Variants in FCGR1A observed in about 807,000 individuals in gnomAD.
FCGR1A encodes high affinity immunoglobulin gamma Fc receptor I.
In FCGR1A, 13 loss-of-function variants were observed where a neutral mutation model predicts 35.0. That is an observed-to-expected ratio of 0.37 (90% CI 0.24 to 0.59). FCGR1A has a LOEUF of 0.59. Among genes scored for constraint, FCGR1A ranks in the 20% least tolerant of loss-of-function variants. The pLI is 0.71. For synonymous variants in FCGR1A, 91 were observed against 164.7 expected (o/e 0.55, Z 3.43); for missense variants, 227 against 430.0 (o/e 0.53, Z 4.17).
chr1:149,788,671 CATAA>C (rs1553751249), intron 4 of FCGR1A, 54 bp downstream of exon 4: 1 of 1,577,988 alleles, frequency 6.3e-7, no homozygotes, highest in African/African-American at 1.4e-5. Context: ...GAGGGACCAT[CATAA>C]ATATTCTAAA....
At chr1:149,793,279 G>A, downstream of FCGR1A, 1 of 1,210,522 alleles carries the variant, frequency 8.3e-7, no homozygotes, top group Non-Finnish European at 1.0e-6. Context: ...AGTGGGAGAG[G>A]CCGCCCGCCT....
intron 4 of FCGR1A, among the ~76,000 whole-genome samples, chr1:149,789,443 T>C (rs1162777975): frequency 1.4e-5 from 2 of 145,128 alleles, no homozygotes; most frequent in African/African-American, 5.3e-5. Flanking sequence ...GTCACTGAAA[T>C]GGCAAGTGTG....
intron 3 of FCGR1A, among the ~76,000 whole-genome samples, chr1:149,784,702 ATAT>A (rs1553750630): frequency 2.6e-4 from 1 of 3,868 alleles, no homozygotes; most frequent in Non-Finnish European, 7.4e-4. Context: ...TATATAAACT[ATAT>A]ATATATATAT....
chr1:149,788,247 T>G, intron 3 of FCGR1A, 119 bp from the exon 4 acceptor site: 1 of 1,607,474 alleles, frequency 6.2e-7, no homozygotes, highest in South Asian at 1.1e-5. Context: ...GCCTGAGATT[T>G]GGCAGAGCTC....
At chr1:149,799,798 C>A in the FCGR1A span, among the ~76,000 whole-genome samples, 3 of 152,160 alleles carry the variant, frequency 2.0e-5, no homozygotes, top group Non-Finnish European at 4.4e-5. Flanking sequence ...TTATCTTGAT[C>A]ATCATGAGGA....
rs1235386217 is a variant in FCGR1A at position 149,788,433 on chromosome 1, T to A, written c.375T>A (p.His125Gln). The A allele has an allele frequency of 6.2e-7, 1 of 1,613,822 alleles. No individual in the cohort carries two copies. Reference protein sequence around the residue: ...TEGEPLALRCHAWKDKLVYNV... With the variant: ...TEGEPLALRCQAWKDKLVYNV... Reference sequence around the variant, plus strand: ...GAGAACCTCTGGCCTTGAGGTGTCATGCGTGGAAGGATAAGCTGGTGTACA... The same window carrying A: ...GAGAACCTCTGGCCTTGAGGTGTCAAGCGTGGAAGGATAAGCTGGTGTACA... The change falls in exon 4 of 6, where the codon CAT becomes CAA. Residue 125 changes from histidine (H) to glutamine (Q), a missense_variant. Around this residue, in one of 3 missense-constraint regions of FCGR1A, gnomAD observed 185 missense variants for 306.6 expected, o/e 0.60. Transcript: ENST00000369168.
chr1:149,798,467 T>G, the FCGR1A span, among the ~76,000 whole-genome samples: 1 of 152,118 alleles, frequency 6.6e-6, no homozygotes. Context: ...TATATTAAAC[T>G]TATCACTGTG....
downstream of FCGR1A, chr1:149,792,908 C>T (rs1320957187): frequency 2.4e-6 from 3 of 1,267,644 alleles, no homozygotes; most frequent in Non-Finnish European, 1.0e-6. Flanking sequence ...ATCCCAACGT[C>T]ATTGTTTCCT....
In FCGR1A at chr1:149,788,816, G is replaced by A. The variant is rs1291206084; in HGVS notation, c.559+199G>A. On this transcript the variant is annotated intron_variant, in intron 4 of 5. Coordinates refer to ENST00000369168, the MANE Select transcript of FCGR1A (RefSeq NM_000566.4). ...GGGTCCTAGTCCAATACTCTTTCCA[G>A]TGTACCGCAACCCCCATCAACAATC... Among the ~76,000 whole-genome samples the A allele has an allele frequency of 7.9e-5, 12 of 152,272 alleles. No individual in the cohort carries two copies. In the South Asian group the frequency reaches 1.5e-3, roughly 18 times the overall value.
At chr1:149,799,459 T>C in the FCGR1A span, among the ~76,000 whole-genome samples, 132 of 152,268 alleles carry the variant, frequency 8.7e-4, no homozygotes, top group African/African-American at 3.2e-3. Context: ...GATGTATGTA[T>C]GCATTTAGAT....
At chr1:149,788,232 T>C (rs1192546489) in intron 3 of FCGR1A, 134 bp from the exon 4 acceptor site, 278 of 1,599,226 alleles carry the variant, frequency 1.7e-4, no homozygotes, top group Non-Finnish European at 2.3e-4. Flanking sequence ...AGGAACTGGA[T>C]ATAGGCCTGA....
the FCGR1A span, among the ~76,000 whole-genome samples, chr1:149,800,399 G>C: frequency 6.7e-6 from 1 of 150,118 alleles, no homozygotes; most frequent in Non-Finnish European, 1.5e-5. Context: ...TCCCCTCCCC[G>C]GAAGTTGGAG....
the FCGR1A span, among the ~76,000 whole-genome samples, chr1:149,799,358 C>G: frequency 2.0e-5 from 3 of 152,222 alleles, no homozygotes. Flanking sequence ...TTAGAAATTT[C>G]TCTTTGTTCC....
intron 3 of FCGR1A, among the ~76,000 whole-genome samples, chr1:149,785,043 A>G (rs2091504831): frequency 6.6e-6 from 1 of 152,218 alleles, no homozygotes; most frequent in Non-Finnish European, 1.5e-5. Context: ...TAATAAATGG[A>G]AGCAGAAAAG....
intron 3 of FCGR1A, chr1:149,788,136 G>T: frequency 3.1e-6 from 2 of 638,740 alleles, no homozygotes; most frequent in East Asian, 5.8e-5. Flanking sequence ...CAACTTCTGA[G>T]ATCTGGAAAG....
At chr1:149,788,836 A>G (rs2091621934) in intron 4 of FCGR1A, among the ~76,000 whole-genome samples, 1 of 152,184 alleles carries the variant, frequency 6.6e-6, no homozygotes, top group African/African-American at 2.4e-5. Context: ...ACCCCCATCA[A>G]CAATCACAGG....
chr1:149,786,086 T>C (rs1404867860), intron 3 of FCGR1A: 2 of 152,164 alleles, frequency 1.3e-5, no homozygotes, highest in Non-Finnish European at 2.9e-5. Context: ...TATTTTTGTT[T>C]ACATGTTTCA....
chr1:149,790,172 C>T lies in FCGR1A; in HGVS notation c.678C>T (p.Tyr226=). Residue 226 remains tyrosine, a synonymous_variant, in exon 5 of 6, where the codon TAC becomes TAT. Transcript: ENST00000369168. The part of the protein sequence containing the change: ...LLLQRPGLQL[Y]FSFYMGSKTL... ...TGCAGAGGCCTGGTTTGCAGCTTTA[C>T]TTCTCCTTCTACATGGGCAGCAAGA... 6.2e-7 allele frequency: 1 copy of T among 1,613,892 alleles called. No individual in the cohort carries two copies. Among genetic ancestry groups the T allele is most frequent in the East Asian group, 2.2e-5 (1 of 44,902 alleles).
intron 3 of FCGR1A, chr1:149,785,963 T>C (rs2091539073): frequency 6.6e-6 from 1 of 152,196 alleles, no homozygotes; most frequent in Admixed American, 6.5e-5. Flanking sequence ...TGTATACATG[T>C]TGTAAATTGA....
Sources: gnomAD v4.1 joint callset for allele counts (sites outside exome capture counted in the v4.1 genomes callset) on GRCh38, gnomAD v4.1.1 for gene constraint, gnomAD v4.1.1 regional missense constraint, MANE v1.5 for transcripts, NCBI Gene and HGNC (gene_info 2026-07-23, HGNC 2026-07-21) for gene names.